The following RALGPS2 variants were observed in gnomAD, a reference collection of about 807,000 sequenced individuals.
The protein encoded by RALGPS2 is ras-specific guanine nucleotide-releasing factor RalGPS2.
A neutral mutation model predicts 86.8 loss-of-function variants in RALGPS2; 43 were observed. That is an observed-to-expected ratio of 0.50 (90% CI 0.39 to 0.64). RALGPS2 has a LOEUF of 0.64. RALGPS2 is among the 30% of genes least tolerant of loss of function. The pLI, the probability that RALGPS2 is intolerant of heterozygous loss-of-function variation, is 0.00. For synonymous variants in RALGPS2, 243 were observed against 231.3 expected, an observed-to-expected ratio of 1.05 and a Z score of -0.46; for missense variants, 536 against 694.6, an observed-to-expected ratio of 0.77 and a Z score of 2.57.
chr1:178,787,661 GTAC>G (rs1653724009), intron 4 of RALGPS2, among the ~76,000 whole-genome samples: 5 of 152,252 alleles, frequency 3.3e-5, no homozygotes, highest in Admixed American at 1.3e-4. Context: ...GCATCTGATA[GTAC>G]TTTGTGAAAC....
chr1:178,805,547 A>G (rs182081961), intron 4 of RALGPS2, among the ~76,000 whole-genome samples: 1,718 of 151,958 alleles, frequency 0.011, 18 homozygotes, highest in Non-Finnish European at 0.015. Flanking sequence ...TCCTTTCCCC[A>G]TTGCTTGTTT....
rs1360769636 is a variant in RALGPS2, at chr1:178,725,257, G to GAGCGGC, written c.-239_-234dup. The GAGCGGC allele has an allele frequency of 0.029, 1,033 of 35,808 alleles. 5 individuals carry two copies. The highest frequency in any genetic ancestry group is 0.085 in the African/African-American group (882 of 10,424). 2.2% of individuals were successfully genotyped at this position (35,808 alleles called of 1,614,324 possible). A position where few individuals can be genotyped will look rare whatever the true frequency, so the allele number is the denominator to read the frequency against. On this transcript the variant is annotated 5_prime_UTR_variant, in exon 1 of 20. Coordinates refer to ENST00000367635, the MANE Select transcript of RALGPS2 (RefSeq NM_152663.5). The stretch of plus-strand genomic sequence containing the variant: ...TGGTTCCAGCTCACTCTCCTCCCCC[G>GAGCGGC]AGCGGCAGCGGCGGCGGCGGCGGCG...
At chr1:178,794,086 G>A (rs575531765) in intron 4 of RALGPS2, among the ~76,000 whole-genome samples, 1 of 151,984 alleles carries the variant, frequency 6.6e-6, no homozygotes, top group East Asian at 1.9e-4. Flanking sequence ...GATCATGAAG[G>A]TTTGTTTTCT....
chr1:178,836,678 T>A (rs941008408), intron 8 of RALGPS2, among the ~76,000 whole-genome samples: 1 of 152,236 alleles, frequency 6.6e-6, no homozygotes, highest in African/African-American at 2.4e-5. Flanking sequence ...TTTCTTGGTT[T>A]CCCTTCTACA....
rs1654794449 is a variant in RALGPS2, at chr1:178,807,429, A to G, written c.214-616A>G. 2.0e-5 allele frequency among the ~76,000 whole-genome samples: 3 copies of G among 152,248 alleles called. No individual in the cohort carries two copies. The South Asian group carries it at 6.2e-4, about 31-fold the overall frequency. On this transcript the variant is annotated intron_variant, in intron 4 of 19. Transcript: ENST00000367635. The stretch of plus-strand genomic sequence containing the variant: ...ATCAACTGTAATGTGATATGAAAAT[A>G]TCAGTGATTTTGATTGGTAACTACA...
chr1:178,871,483 A>AAAT (rs1317568680), intron 8 of RALGPS2, among the ~76,000 whole-genome samples: 1 of 151,466 alleles, frequency 6.6e-6, no homozygotes, highest in Non-Finnish European at 1.5e-5. Flanking sequence ...ATAATGTAAT[A>AAAT]AATACTCTTT....
chr1:178,763,382 A>C (rs1258351772), intron 1 of RALGPS2, among the ~76,000 whole-genome samples: 7 of 152,204 alleles, frequency 4.6e-5, no homozygotes, highest in Non-Finnish European at 7.3e-5. Flanking sequence ...CCTGTGAAGA[A>C]TGTCATTGGT....
chr1:178,887,567 A>G (rs989890151), intron 13 of RALGPS2, among the ~76,000 whole-genome samples: 2 of 152,206 alleles, frequency 1.3e-5, no homozygotes, highest in Admixed American at 6.5e-5. Flanking sequence ...GACTAAGCCT[A>G]TTGTTACTAA....
At chr1:178,795,515 T>C (rs1309044582) in intron 4 of RALGPS2, among the ~76,000 whole-genome samples, 1 of 151,956 alleles carries the variant, frequency 6.6e-6, no homozygotes, top group African/African-American at 2.4e-5. Flanking sequence ...CGGGTTCAAG[T>C]GGTTCTTCTG....
intron 8 of RALGPS2, among the ~76,000 whole-genome samples, chr1:178,841,051 A>G (rs1438273789): frequency 6.6e-6 from 1 of 152,234 alleles, no homozygotes; most frequent in East Asian, 1.9e-4. Context: ...ATGGATTCAC[A>G]GCCAAATTCT....
At chr1:178,805,272 C>G (rs1488787237) in intron 4 of RALGPS2, among the ~76,000 whole-genome samples, 1 of 148,386 alleles carries the variant, frequency 6.7e-6, no homozygotes, top group Non-Finnish European at 1.5e-5. Flanking sequence ...TGCAGAAGCT[C>G]TTTAGTTTAA....
intron 8 of RALGPS2, chr1:178,851,031 GA>G: frequency 8.7e-7 from 1 of 1,154,986 alleles, no homozygotes; most frequent in Non-Finnish European, 1.2e-6. Flanking sequence ...TTTCTGTGTA[GA>G]AATAAATTGT....
intron 1 of RALGPS2, among the ~76,000 whole-genome samples, chr1:178,737,821 A>G (rs888246119): frequency 6.6e-6 from 1 of 152,146 alleles, no homozygotes; most frequent in Non-Finnish European, 1.5e-5. Context: ...TCTCTCACCC[A>G]GACTGGATTC....
intron 8 of RALGPS2, among the ~76,000 whole-genome samples, chr1:178,836,776 C>CT (rs1268451724): frequency 2.0e-5 from 3 of 151,622 alleles, no homozygotes; most frequent in Admixed American, 2.0e-4. Context: ...TTCTTTCTTT[C>CT]TTTTTTTTAT....
intron 19 of RALGPS2, among the ~76,000 whole-genome samples, chr1:178,908,210 A>G (rs930667331): frequency 2.0e-5 from 3 of 152,176 alleles, no homozygotes; most frequent in African/African-American, 7.2e-5. Flanking sequence ...TTCCTGGATT[A>G]ATTCACTTAA....
At chr1:178,888,199 G>T (rs973951182) in intron 13 of RALGPS2, among the ~76,000 whole-genome samples, 1 of 151,960 alleles carries the variant, frequency 6.6e-6, no homozygotes, top group East Asian at 1.9e-4. Flanking sequence ...AAAGATCATT[G>T]CATCCTAGTT....
At chr1:178,865,799 A>G (rs1428600504) in intron 8 of RALGPS2, 4 of 1,525,624 alleles carry the variant, frequency 2.6e-6, no homozygotes, top group African/African-American at 2.8e-5. Flanking sequence ...TTGTAAAATG[A>G]TGTCTTTTGA....
At chr1:178,882,803 C>T (rs1445872408) in intron 10 of RALGPS2, among the ~76,000 whole-genome samples, 1 of 152,178 alleles carries the variant, frequency 6.6e-6, no homozygotes, top group Admixed American at 6.5e-5. Context: ...TAAACTCTGA[C>T]TTAGGACAGG....
intron 5 of RALGPS2, among the ~76,000 whole-genome samples, chr1:178,808,895 G>A (rs548260165): frequency 6.6e-6 from 1 of 151,970 alleles, no homozygotes; most frequent in Admixed American, 6.5e-5. Context: ...TTTAGAGACA[G>A]GGTCTCTGTC....
Sources: allele counts gnomAD v4.1 joint callset (sites outside exome capture counted in the v4.1 genomes callset), GRCh38; gene constraint gnomAD v4.1.1; transcripts MANE v1.5; gene names NCBI Gene and HGNC (gene_info 2026-07-23, HGNC 2026-07-21).